The following GRID2 variants were observed in gnomAD, a reference collection of about 807,000 sequenced individuals.
GRID2 encodes the protein glutamate receptor ionotropic, delta-2.
Under a neutral mutation model 114.8 loss-of-function variants are expected in GRID2, and 33 were observed. The ratio of observed to expected loss-of-function variants is 0.29; its 90% CI spans 0.22 to 0.38. GRID2 has a LOEUF of 0.38. Ranked by LOEUF, GRID2 falls within the 10% of genes least tolerant of loss-of-function variation. The pLI is 1.00. For synonymous variants in GRID2, 505 were observed against 449.9 expected (o/e 1.12, Z -1.55); for missense variants, 1,184 against 1,257.7 (o/e 0.94, Z 0.89).
At chr4:93,137,275 G>GA (rs991209486) in intron 4 of GRID2, among the ~76,000 whole-genome samples, 4 of 152,054 alleles carry the variant, frequency 2.6e-5, no homozygotes, top group Admixed American at 2.0e-4. Context: ...AACTTCTGGG[G>GA]AAAAAATTAA....
chr4:92,472,915 A>T (rs1722113824), intron 1 of GRID2, among the ~76,000 whole-genome samples: 1 of 152,052 alleles, frequency 6.6e-6, no homozygotes, highest in Non-Finnish European at 1.5e-5. Context: ...CTTAATTTTG[A>T]TGAAGTCCAT....
chr4:93,788,057 C>T (rs1161368436), intron 1 of GRID2, among the ~76,000 whole-genome samples: 2 of 152,150 alleles, frequency 1.3e-5, no homozygotes, highest in East Asian at 1.9e-4. Flanking sequence ...TGGCTCACGT[C>T]TGTAATCCCA....
At chr4:93,728,526 A>G (rs1730161245) in intron 14 of GRID2, among the ~76,000 whole-genome samples, 1 of 152,038 alleles carries the variant, frequency 6.6e-6, no homozygotes, top group Non-Finnish European at 1.5e-5. Context: ...GCTGAGTTCA[A>G]TTCCTGGGTA....
At chr4:92,995,699 T>C (rs575286268) in intron 2 of GRID2, among the ~76,000 whole-genome samples, 18 of 152,182 alleles carry the variant, frequency 1.2e-4, no homozygotes, top group Non-Finnish European at 2.5e-4. Context: ...TTTGATATCA[T>C]TTCATGTCAT....
rs183608480 is a variant in GRID2 at position 93,676,616 on chromosome 4, T to C, written c.2360+50181T>C. On this transcript the variant is annotated intron_variant, in intron 14 of 15. Transcript: ENST00000282020. Reference sequence around the variant, plus strand: ...ACAATGATAACTTAAGTTTAGCTTTTTACTTTGAAAATAAAAACACCTTCC... The same window carrying C: ...ACAATGATAACTTAAGTTTAGCTTTCTACTTTGAAAATAAAAACACCTTCC... Among the ~76,000 whole-genome samples, 107 of 152,190 alleles carry C rather than the reference T, an allele frequency of 7.0e-4. No individual in the cohort carries two copies. The Middle Eastern group carries it at 0.014, about 19-fold the overall frequency.
intron 11 of GRID2, among the ~76,000 whole-genome samples, chr4:93,480,032 A>T (rs941600942): frequency 6.6e-6 from 1 of 152,152 alleles, no homozygotes; most frequent in African/African-American, 2.4e-5. Context: ...GCTTTTCTTC[A>T]TGGATTCTGT....
intron 13 of GRID2, among the ~76,000 whole-genome samples, chr4:93,522,157 G>A (rs1411077812): frequency 2.0e-5 from 3 of 152,116 alleles, no homozygotes; most frequent in African/African-American, 7.2e-5. Flanking sequence ...ATAGTAAGAG[G>A]AGAGAAGGAC....
chr4:92,337,454 G>C (rs973996485), intron 1 of GRID2, among the ~76,000 whole-genome samples: 1 of 152,116 alleles, frequency 6.6e-6, no homozygotes. Context: ...AAAGTGAACT[G>C]AGTGAGGAAA....
At chr4:93,619,559 C>A (rs932427887) in intron 13 of GRID2, among the ~76,000 whole-genome samples, 2 of 152,180 alleles carry the variant, frequency 1.3e-5, no homozygotes, top group Non-Finnish European at 2.9e-5. Flanking sequence ...CAGGCCTTTT[C>A]ATTTTTATTT....
intron 2 of GRID2, among the ~76,000 whole-genome samples, chr4:93,078,744 A>G (rs7660370): frequency 0.39 from 56,360 of 144,246 alleles, 11,400 homozygotes; most frequent in Admixed American, 0.54. Context: ...TATATACTGT[A>G]TATACTAAAT....
At chr4:93,278,190 T>C (rs1473217263) in intron 8 of GRID2, among the ~76,000 whole-genome samples, 1 of 151,720 alleles carries the variant, frequency 6.6e-6, no homozygotes, top group African/African-American at 2.4e-5. Context: ...AGTAGGTTAC[T>C]GGAAGGATAG....
At chr4:93,229,419 G>T (rs1745863293) in intron 7 of GRID2, among the ~76,000 whole-genome samples, 2 of 152,130 alleles carry the variant, frequency 1.3e-5, no homozygotes, top group Non-Finnish European at 1.5e-5. Flanking sequence ...GATTTGAGAA[G>T]CTCAAGTTTC....
intron 9 of GRID2, among the ~76,000 whole-genome samples, chr4:93,421,415 A>G (rs1768272533): frequency 6.6e-6 from 1 of 152,212 alleles, no homozygotes; most frequent in Admixed American, 6.5e-5. Context: ...TTACTAGTTC[A>G]TTTTGCTCTA....
At chr4:93,159,153 C>T (rs2149405418) in intron 4 of GRID2, among the ~76,000 whole-genome samples, 1 of 150,936 alleles carries the variant, frequency 6.6e-6, no homozygotes, top group South Asian at 2.1e-4. Flanking sequence ...CTGGCCTCCA[C>T]CTACACAGTG....
chr4:93,522,070 CT>C (rs1235674142), intron 13 of GRID2, among the ~76,000 whole-genome samples: 1 of 152,070 alleles, frequency 6.6e-6, no homozygotes, highest in African/African-American at 2.4e-5. Context: ...TGCTGGAGAA[CT>C]TTCTTTGATT....
chr4:93,242,536 T>C (rs997909935), intron 8 of GRID2, among the ~76,000 whole-genome samples: 1 of 152,002 alleles, frequency 6.6e-6, no homozygotes. Flanking sequence ...AAGGCAATGG[T>C]TGAAGTGACA....
At chr4:92,640,653 A>T (rs1257025955) in intron 2 of GRID2, among the ~76,000 whole-genome samples, 1 of 151,834 alleles carries the variant, frequency 6.6e-6, no homozygotes, top group African/African-American at 2.4e-5. Context: ...AATATGGAAG[A>T]AGTAAGAATG....
chr4:93,309,259 G>T (rs1248330521), intron 8 of GRID2, among the ~76,000 whole-genome samples: 1 of 152,138 alleles, frequency 6.6e-6, no homozygotes, highest in African/African-American at 2.4e-5. Flanking sequence ...ATGAGGCAGG[G>T]TGCGGTGGCT....
intron 11 of GRID2, among the ~76,000 whole-genome samples, chr4:93,487,381 C>G (rs907811124): frequency 1.3e-5 from 2 of 151,756 alleles, no homozygotes; most frequent in African/African-American, 4.8e-5. Flanking sequence ...ACTCAGAATA[C>G]TTTTCTTATA....
Sources: gnomAD v4.1 joint callset for allele counts (sites outside exome capture counted in the v4.1 genomes callset) on GRCh38, gnomAD v4.1.1 for gene constraint, MANE v1.5 for transcripts, NCBI Gene and HGNC (gene_info 2026-07-23, HGNC 2026-07-21) for gene names.